SCIN: variants seen among roughly 807,000 people sequenced by gnomAD.
The protein encoded by SCIN is adseverin.
A neutral mutation model predicts 91.8 loss-of-function variants in SCIN; 91 were observed. The ratio of observed to expected loss-of-function variants is 0.99; its 90% CI spans 0.84 to 1.18. The LOEUF is 1.18. Among genes scored for constraint, SCIN ranks in the 50% most tolerant of loss-of-function variants. The probability of loss-of-function intolerance (pLI) is 0.00; values close to 1 mark genes in which losing one functional copy is unlikely to be tolerated. For synonymous variants in SCIN, 367 were observed against 312.6 expected (o/e 1.17, Z -1.84); for missense variants, 1,087 against 863.9 (o/e 1.26, Z -3.24).
intron 13 of SCIN, among the ~76,000 whole-genome samples, chr7:12,648,958 G>A (rs973312990): frequency 3.3e-5 from 5 of 152,178 alleles, no homozygotes; most frequent in African/African-American, 1.2e-4. Flanking sequence ...GCAGGATTAT[G>A]TAATTTTTTA....
chr7:12,649,576 T>C, intron 14 of SCIN, 32 bp downstream of exon 14: 1 of 1,489,758 alleles, frequency 6.7e-7, no homozygotes, highest in South Asian at 1.2e-5. Flanking sequence ...AAGAAGAGAA[T>C]GCATTTTTGG....
chr7:12,578,477 G>A (rs1782419912), intron 2 of SCIN, among the ~76,000 whole-genome samples: 1 of 152,088 alleles, frequency 6.6e-6, no homozygotes, highest in Non-Finnish European at 1.5e-5. Context: ...TTTTAAAAGA[G>A]CTTTCAGTTG....
chr7:12,609,302 T>G lies in SCIN; in HGVS notation c.666+4639T>G, dbSNP rs543081889. ...AAAAAACTAAACTCTGTAACTAAAG[T>G]CAAATTTTACTCTGAGCTTGTTTTT... On this transcript the variant is annotated intron_variant, in intron 4 of 15. Coordinates refer to ENST00000297029, the MANE Select transcript of SCIN (RefSeq NM_001112706.3). Among the ~76,000 whole-genome samples, 7 of 152,280 alleles carry G rather than the reference T, an allele frequency of 4.6e-5. No individual in the cohort carries two copies. In the South Asian group the frequency reaches 1.2e-3, roughly 27 times the overall value.
intron 4 of SCIN, among the ~76,000 whole-genome samples, chr7:12,605,810 A>G (rs1783070703): frequency 6.6e-6 from 1 of 152,188 alleles, no homozygotes; most frequent in African/African-American, 2.4e-5. Flanking sequence ...AAATATTTCA[A>G]TCATTTTAAG....
At chr7:12,572,777 A>G (rs13243941) in intron 1 of SCIN, among the ~76,000 whole-genome samples, 2 of 152,226 alleles carry the variant, frequency 1.3e-5, no homozygotes, top group Non-Finnish European at 2.9e-5. Flanking sequence ...AAGACATGCT[A>G]AAACTGAAGT....
intron 10 of SCIN, among the ~76,000 whole-genome samples, chr7:12,636,466 A>C (rs961918696): frequency 4.6e-5 from 7 of 152,334 alleles, no homozygotes; most frequent in Admixed American, 3.3e-4. Context: ...GTTGTTCAAC[A>C]GATACAGTAG....
chr7:12,583,489 T>C (rs547126789), intron 3 of SCIN, among the ~76,000 whole-genome samples: 1 of 152,256 alleles, frequency 6.6e-6, no homozygotes, highest in Admixed American at 6.5e-5. Flanking sequence ...ATTCCTACTT[T>C]ACATTTTTTT....
At chr7:12,612,447 G>A (rs1173093005) in intron 4 of SCIN, among the ~76,000 whole-genome samples, 1 of 152,126 alleles carries the variant, frequency 6.6e-6, no homozygotes, top group Non-Finnish European at 1.5e-5. Flanking sequence ...AAGCAAGTAG[G>A]AATCTTTCTC....
intron 9 of SCIN, among the ~76,000 whole-genome samples, chr7:12,630,286 T>C (rs1783614893): frequency 1.3e-5 from 2 of 152,136 alleles, no homozygotes; most frequent in Admixed American, 6.5e-5. Flanking sequence ...TTCTTAGATA[T>C]GTAGACTCTC....
chr7:12,575,307 C>T (rs79317914), intron 1 of SCIN, among the ~76,000 whole-genome samples: 1 of 150,106 alleles, frequency 6.7e-6, no homozygotes, highest in Admixed American at 6.6e-5. Flanking sequence ...TAAATAGAGA[C>T]CTTTTTATTT....
intron 1 of SCIN, among the ~76,000 whole-genome samples, chr7:12,576,040 T>C (rs894023344): frequency 2.0e-5 from 3 of 152,190 alleles, no homozygotes; most frequent in Non-Finnish European, 4.4e-5. Context: ...TGCCTGTCCA[T>C]TTACATCTAC....
Position 12,654,535 on chromosome 7 carries a change from T to A in SCIN, c.*1820T>A, listed in dbSNP as rs1388025311. On this transcript the variant is annotated 3_prime_UTR_variant, in exon 16 of 16. Transcript: ENST00000297029. ...GGAATGTAATTGAGTGAAAAATAAT[T>A]TTTAAAAATATTTATAAATATCTTC... The A allele has an allele frequency of 2.0e-5, 3 of 152,194 alleles. No homozygotes were observed. The East Asian group carries it at 5.8e-4, about 29-fold the overall frequency. The allele number at this position is 152,194 out of a possible 1,614,324, so 9.4% of individuals were successfully genotyped here.
intron 4 of SCIN, among the ~76,000 whole-genome samples, chr7:12,610,023 G>A (rs1783159250): frequency 6.6e-6 from 1 of 152,194 alleles, no homozygotes; most frequent in African/African-American, 2.4e-5. Flanking sequence ...TAGTCAGAAA[G>A]TGTGGGAATA....
At chr7:12,616,302 T>C (rs766712417) in intron 4 of SCIN, among the ~76,000 whole-genome samples, 2 of 152,018 alleles carry the variant, frequency 1.3e-5, no homozygotes, top group Non-Finnish European at 2.9e-5. Flanking sequence ...CCCTCATGAA[T>C]AGTTTGACAT....
intron 3 of SCIN, among the ~76,000 whole-genome samples, chr7:12,586,266 A>G (rs1782584900): frequency 6.6e-6 from 1 of 152,222 alleles, no homozygotes; most frequent in Admixed American, 6.5e-5. Context: ...TTTCCCCAGA[A>G]GGTTTAAAAA....
rs1369756716 is a variant in SCIN, at chr7:12,659,320, A to G, written c.*6605A>G. 6.6e-6 allele frequency: 1 copy of G among 152,200 alleles called. No individual in the cohort carries two copies. The highest frequency in any genetic ancestry group is 1.5e-5 in the Non-Finnish European group (1 of 68,048). 9.4% of individuals were successfully genotyped at this position (152,200 alleles called of 1,614,324 possible). A position where few individuals can be genotyped will look rare whatever the true frequency, so the allele number is the denominator to read the frequency against. ...GTCTATGGACTTAATCTATGTCTCT[A>G]TGAGCTGGTAAACAATAGACAGGTA... On this transcript the variant is annotated 3_prime_UTR_variant, in exon 16 of 16. Coordinates refer to ENST00000297029, the MANE Select transcript of SCIN (RefSeq NM_001112706.3).
chr7:12,583,298 C>A lies in SCIN; in HGVS notation c.516+2077C>A, dbSNP rs548171722. 2.6e-5 allele frequency among the ~76,000 whole-genome samples: 4 copies of A among 152,250 alleles called. No individual in the cohort carries two copies. The South Asian group carries it at 8.3e-4, about 32-fold the overall frequency. ...ATCTTGACTCTGATTTCTGATACCA[C>A]TTTTATCCTTAGCTGACTATGATTC... On this transcript the variant is annotated intron_variant, in intron 3 of 15. Coordinates refer to ENST00000297029, the MANE Select transcript of SCIN (RefSeq NM_001112706.3).
intron 3 of SCIN, among the ~76,000 whole-genome samples, chr7:12,584,806 A>T (rs1310602397): frequency 6.6e-6 from 1 of 152,216 alleles, no homozygotes; most frequent in Non-Finnish European, 1.5e-5. Flanking sequence ...AATTAGTAAA[A>T]TTACATCTGA....
intron 9 of SCIN, among the ~76,000 whole-genome samples, chr7:12,632,292 G>T (rs770993766): frequency 2.0e-5 from 3 of 151,806 alleles, no homozygotes; most frequent in Non-Finnish European, 2.9e-5. Context: ...CACATGCCCT[G>T]CTAATTTTTT....
Sources: allele counts gnomAD v4.1 joint callset (sites outside exome capture counted in the v4.1 genomes callset), GRCh38; gene constraint gnomAD v4.1.1; transcripts MANE v1.5; gene names NCBI Gene and HGNC (gene_info 2026-07-23, HGNC 2026-07-21).